The following SYNE1 variants were observed in gnomAD, a reference collection of about 807,000 sequenced individuals.
SYNE1 encodes nesprin-1.
A neutral mutation model predicts 1,111.0 loss-of-function variants in SYNE1; 616 were observed. The observed-to-expected ratio is 0.55, with a 90% CI of 0.52 to 0.59. SYNE1 has a LOEUF of 0.59. Among genes scored for constraint, SYNE1 ranks in the 20% least tolerant of loss-of-function variants. SYNE1 has a pLI of 0.00. For synonymous variants in SYNE1, 3,855 were observed against 3,825.8 expected (o/e 1.01, Z -0.28); for missense variants, 10,006 against 10,417.0 (o/e 0.96, Z 1.72).
In SYNE1 at chr6:152,540,025, G is replaced by A. The variant is rs1186382872; in HGVS notation, c.68-4C>T. 1 of 1,613,358 alleles carries A rather than the reference G, an allele frequency of 6.2e-7. No homozygotes were observed. Among genetic ancestry groups the A allele is most frequent in the Non-Finnish European group, 8.5e-7 (1 of 1,179,514 alleles). ...TTTTGTACTATCTCTTGCTCATCTAGAAGGAAAAAGAAATCTGGTTAAATA... is the reference window on the plus strand; with the variant it reads ...TTTTGTACTATCTCTTGCTCATCTAAAAGGAAAAAGAAATCTGGTTAAATA... On this transcript the variant is annotated splice_region_variant and splice_polypyrimidine_tract_variant and intron_variant, in intron 3 of 145. Coordinates refer to ENST00000367255, the MANE Select transcript of SYNE1 (RefSeq NM_182961.4).
chr6:152,425,265 T>C (rs2098334687), intron 39 of SYNE1, 116 bp downstream of exon 39: 2 of 1,104,980 alleles, frequency 1.8e-6, no homozygotes, highest in African/African-American at 3.1e-5. Context: ...CTTCTGTAGT[T>C]ATCAGGTGAG....
At chr6:152,534,796 A>T (rs2099225952) in intron 4 of SYNE1, among the ~76,000 whole-genome samples, 1 of 152,220 alleles carries the variant, frequency 6.6e-6, no homozygotes, top group Non-Finnish European at 1.5e-5. Flanking sequence ...AAAGACAACT[A>T]AAGAAGATGA....
At chr6:152,571,526 G>C (rs1214784001) in intron 3 of SYNE1, among the ~76,000 whole-genome samples, 1 of 152,008 alleles carries the variant, frequency 6.6e-6, no homozygotes, top group African/African-American at 2.4e-5. Context: ...ATGATGAAGG[G>C]GGAGGATTTA....
chr6:152,548,154 T>G (rs2099323667), intron 3 of SYNE1, among the ~76,000 whole-genome samples: 1 of 152,188 alleles, frequency 6.6e-6, no homozygotes, highest in Non-Finnish European at 1.5e-5. Flanking sequence ...TGTCCAATGT[T>G]TGTTTCAAAG....
At chr6:152,523,441 G>A (rs1326832034) in intron 5 of SYNE1, among the ~76,000 whole-genome samples, 2 of 152,100 alleles carry the variant, frequency 1.3e-5, no homozygotes, top group African/African-American at 4.8e-5. Flanking sequence ...GTATCATGCT[G>A]TGTTGGTAAC....
At position 152,413,338 on chromosome 6, in the gene SYNE1, G is replaced by T; in HGVS notation, c.6230+14C>A. 6.2e-7 allele frequency: 1 copy of T among 1,614,076 alleles called. No homozygotes were observed. The highest frequency in any genetic ancestry group is 8.5e-7 in the Non-Finnish European group (1 of 1,179,968). On this transcript the variant is annotated intron_variant, in intron 42 of 145. Coordinates refer to ENST00000367255, the MANE Select transcript of SYNE1 (RefSeq NM_182961.4). ...GGGAAGCTAAAAACAAGAACTGGGTGGGTTTTGACTTACTTTTCATGAATT... is the reference window on the plus strand; with the variant it reads ...GGGAAGCTAAAAACAAGAACTGGGTTGGTTTTGACTTACTTTTCATGAATT...
intron 49 of SYNE1, among the ~76,000 whole-genome samples, chr6:152,397,782 C>T (rs113648733): frequency 0.089 from 13,456 of 151,990 alleles, 2,012 homozygotes; most frequent in African/African-American, 0.31. Flanking sequence ...GGGTGGATCA[C>T]CTGAGGTCAG....
At chr6:152,458,098 C>A (rs1330711670) in intron 22 of SYNE1, among the ~76,000 whole-genome samples, 1 of 151,936 alleles carries the variant, frequency 6.6e-6, no homozygotes, top group Non-Finnish European at 1.5e-5. Context: ...ATGAACAAAG[C>A]CCATAAAAAG....
chr6:152,359,988 C>T (rs1018175165), intron 64 of SYNE1, among the ~76,000 whole-genome samples: 1 of 152,180 alleles, frequency 6.6e-6, no homozygotes, highest in Non-Finnish European at 1.5e-5. Flanking sequence ...CTGCAAACTC[C>T]CCAGCCCAGG....
intron 3 of SYNE1, among the ~76,000 whole-genome samples, chr6:152,606,978 C>T (rs113572034): frequency 0.11 from 6,824 of 62,326 alleles, 429 homozygotes; most frequent in African/African-American, 0.18. Context: ...CCTCGGTTCT[C>T]TTTTTTTTTT....
chr6:152,601,178 C>A (rs2099595172), intron 3 of SYNE1, among the ~76,000 whole-genome samples: 1 of 152,142 alleles, frequency 6.6e-6, no homozygotes, highest in African/African-American at 2.4e-5. Context: ...AAATCAAAAG[C>A]AGAAACATTG....
At chr6:152,442,779 T>C (rs1410316409) in intron 30 of SYNE1, among the ~76,000 whole-genome samples, 2 of 152,122 alleles carry the variant, frequency 1.3e-5, no homozygotes, top group African/African-American at 4.8e-5. Context: ...ACCCTGTTTC[T>C]ACAAAAATAT....
chr6:152,316,954 C>A lies in SYNE1; in HGVS notation c.16605G>T (p.Met5535Ile). Reference sequence around the variant, plus strand: ...CAATCCACTTCAAAATTAATTCAAGCATTTCATTGTATTCTTCTAAATGTG... The same window carrying A: ...CAATCCACTTCAAAATTAATTCAAGAATTTCATTGTATTCTTCTAAATGTG... ...AASHLEEYNE[M>I]LELILKWIEK... Residue 5535 changes from methionine (M) to isoleucine (I), a missense_variant, in exon 87 of 146, where the codon ATG becomes ATT. Transcript: ENST00000367255. The A allele has an allele frequency of 6.2e-7, 1 of 1,614,076 alleles. No individual in the cohort carries two copies. The highest frequency in any genetic ancestry group is 8.5e-7 in the Non-Finnish European group (1 of 1,180,010).
At chr6:152,471,517 A>G (rs1265443474) in intron 16 of SYNE1, 80 bp downstream of exon 16, 14 of 1,388,452 alleles carry the variant, frequency 1.0e-5, no homozygotes, top group South Asian at 4.8e-5. Flanking sequence ...AAGAATTAAA[A>G]TAACAACATC....
intron 10 of SYNE1, among the ~76,000 whole-genome samples, chr6:152,499,785 T>C (rs962204478): frequency 6.6e-6 from 1 of 152,200 alleles, no homozygotes; most frequent in African/African-American, 2.4e-5. Flanking sequence ...TCAAAATTAA[T>C]TTTTGAGATA....
intron 8 of SYNE1, among the ~76,000 whole-genome samples, chr6:152,506,905 A>G (rs545023895): frequency 2.9e-4 from 44 of 152,292 alleles, no homozygotes; most frequent in African/African-American, 9.9e-4. Flanking sequence ...TAGACAACTT[A>G]TCATTCACTT....
In SYNE1 at chr6:152,330,775, T is replaced by C. The variant is rs112730174; in HGVS notation, c.13910A>G (p.Asp4637Gly). ...QTILPSLNEV[D>G]HSYLSEKLNA... ...TAGCTTTTCACTGAGGTAGGAATGA[T>C]CGACTTCATTCAGCGATGGTAATAT... is the stretch of plus-strand genomic sequence containing the variant. The change falls in exon 78 of 146, where the codon GAT becomes GGT. Residue 4637 changes from aspartate to glycine, a missense_variant. Asp to Gly is a moderately conservative substitution (Grantham distance 94, BLOSUM62 -1). This residue lies in a region of SYNE1 where 4,955 missense variants were observed against 5,017.2 expected (regional missense o/e 0.99). Transcript: ENST00000367255. 6.2e-7 allele frequency: 1 copy of C among 1,613,954 alleles called. No individual in the cohort carries two copies. Among genetic ancestry groups the C allele is most frequent in the East Asian group, 2.2e-5 (1 of 44,876 alleles).
chr6:152,471,523 ACAT>A, intron 16 of SYNE1, 71 bp downstream of exon 16: 1 of 1,416,456 alleles, frequency 7.1e-7, no homozygotes, highest in East Asian at 2.3e-5. Context: ...TAAAATAACA[ACAT>A]CAAAGAAACT....
chr6:152,294,448 T>C (rs535046877), intron 93 of SYNE1, among the ~76,000 whole-genome samples: 35 of 152,314 alleles, frequency 2.3e-4, no homozygotes, highest in African/African-American at 7.5e-4. Flanking sequence ...TATTTAAAGG[T>C]TGATTAGAAT....
Sources: gnomAD v4.1 joint callset for allele counts (sites outside exome capture counted in the v4.1 genomes callset) on GRCh38, gnomAD v4.1.1 for gene constraint, gnomAD v4.1.1 regional missense constraint, MANE v1.5 for transcripts, NCBI Gene and HGNC (gene_info 2026-07-23, HGNC 2026-07-21) for gene names.